Variants in GRM8 observed in about 807,000 individuals in gnomAD.
The protein encoded by GRM8 is metabotropic glutamate receptor 8.
GRM8 carries 47 observed loss-of-function variants against 87.2 expected under a neutral mutation model. That is an observed-to-expected ratio of 0.54 (90% CI 0.43 to 0.69). GRM8 has a LOEUF of 0.69. Among genes scored for constraint, GRM8 ranks in the 30% least tolerant of loss-of-function variants. The pLI, the probability that GRM8 is intolerant of heterozygous loss-of-function variation, is 0.00. For missense variants in GRM8, 1,019 were observed against 1,139.2 expected, an observed-to-expected ratio of 0.89 and a Z score of 1.52; for synonymous variants, 396 against 404.5, an observed-to-expected ratio of 0.98 and a Z score of 0.25.
chr7:126,454,861 C>T (rs1299968496), intron 9 of GRM8, among the ~76,000 whole-genome samples: 2 of 151,684 alleles, frequency 1.3e-5, no homozygotes, highest in Non-Finnish European at 2.9e-5. Flanking sequence ...TGATCTCAGA[C>T]TTCTAGTATC....
chr7:126,731,729 A>G (rs1369356710), intron 7 of GRM8, among the ~76,000 whole-genome samples: 1 of 152,102 alleles, frequency 6.6e-6, no homozygotes, highest in Non-Finnish European at 1.5e-5. Context: ...TTATCAATAC[A>G]TATATGTATT....
At chr7:127,104,329 T>C (rs906956027) in intron 3 of GRM8, among the ~76,000 whole-genome samples, 6 of 152,184 alleles carry the variant, frequency 3.9e-5, no homozygotes, top group African/African-American at 1.4e-4. Flanking sequence ...TAGTAAGAGC[T>C]GCAAATGTTA....
At chr7:127,244,948 G>A (rs933408066) in intron 1 of GRM8, among the ~76,000 whole-genome samples, 5 of 152,046 alleles carry the variant, frequency 3.3e-5, no homozygotes, top group Non-Finnish European at 5.9e-5. Context: ...CCCTGCCTCC[G>A]GGCACACATT....
At chr7:127,182,292 G>A (rs1021911145) in intron 2 of GRM8, among the ~76,000 whole-genome samples, 1 of 152,046 alleles carries the variant, frequency 6.6e-6, no homozygotes, top group African/African-American at 2.4e-5. Context: ...AAACCACAAT[G>A]TGATATCATC....
intron 9 of GRM8, among the ~76,000 whole-genome samples, chr7:126,521,753 ATTTAAC>A (rs1287497056): frequency 6.6e-6 from 1 of 152,208 alleles, no homozygotes; most frequent in Non-Finnish European, 1.5e-5. Flanking sequence ...TATAAAATCC[ATTTAAC>A]TTTCAAATTT....
chr7:126,612,676 G>A (rs1799038865), intron 7 of GRM8, among the ~76,000 whole-genome samples: 1 of 152,076 alleles, frequency 6.6e-6, no homozygotes, highest in Non-Finnish European at 1.5e-5. Context: ...ACAAAACTAT[G>A]GTCTTCTTAA....
At chr7:127,102,140 CA>C (rs1466166051) in intron 3 of GRM8, among the ~76,000 whole-genome samples, 1 of 152,138 alleles carries the variant, frequency 6.6e-6, no homozygotes, top group African/African-American at 2.4e-5. Context: ...GCAAAGCATT[CA>C]AAATGTGGCC....
intron 3 of GRM8, among the ~76,000 whole-genome samples, chr7:126,971,213 G>A (rs2131771765): frequency 6.7e-6 from 1 of 148,642 alleles, no homozygotes; most frequent in Non-Finnish European, 1.5e-5. Flanking sequence ...ATAAAGTGAG[G>A]TGAGCCTGTA....
At chr7:127,003,345 A>G (rs1163146689) in intron 3 of GRM8, among the ~76,000 whole-genome samples, 2 of 151,764 alleles carry the variant, frequency 1.3e-5, no homozygotes, top group Non-Finnish European at 3.0e-5. Context: ...CTCCTAGAGA[A>G]TGGTGACAAG....
intron 3 of GRM8, among the ~76,000 whole-genome samples, chr7:127,010,300 G>A (rs1421837217): frequency 1.3e-5 from 2 of 151,994 alleles, no homozygotes; most frequent in African/African-American, 4.8e-5. Flanking sequence ...CCTTCTGTTT[G>A]CAACAGAGAA....
intron 6 of GRM8, among the ~76,000 whole-genome samples, chr7:126,900,284 A>G (rs922944540): frequency 1.3e-5 from 2 of 152,118 alleles, no homozygotes; most frequent in Non-Finnish European, 2.9e-5. Context: ...TATTTATTTT[A>G]TATTTCCTCT....
intron 8 of GRM8, among the ~76,000 whole-genome samples, chr7:126,589,041 G>A (rs1471210448): frequency 6.6e-6 from 1 of 152,234 alleles, no homozygotes; most frequent in Non-Finnish European, 1.5e-5. Flanking sequence ...CAGTGGAACT[G>A]GGAAAAGACC....
intron 7 of GRM8, among the ~76,000 whole-genome samples, chr7:126,769,430 A>G (rs920330439): frequency 2.1e-4 from 32 of 152,102 alleles, no homozygotes; most frequent in African/African-American, 6.8e-4. Context: ...TTGAGTATAA[A>G]TATACAGCAA....
chr7:126,474,055 C>G (rs575442730), intron 9 of GRM8, among the ~76,000 whole-genome samples: 1 of 151,976 alleles, frequency 6.6e-6, no homozygotes, highest in African/African-American at 2.4e-5. Flanking sequence ...TTTTTATATT[C>G]GTTTTATATT....
At chr7:126,835,526 G>C (rs1795762415) in intron 6 of GRM8, among the ~76,000 whole-genome samples, 1 of 152,048 alleles carries the variant, frequency 6.6e-6, no homozygotes, top group South Asian at 2.1e-4. Flanking sequence ...AGAGCAGTTT[G>C]ATAAGCATTA....
intron 9 of GRM8, among the ~76,000 whole-genome samples, chr7:126,450,195 C>T (rs1170226201): frequency 6.6e-6 from 1 of 151,694 alleles, no homozygotes; most frequent in Admixed American, 6.6e-5. Context: ...TTTTATTTTT[C>T]CAGGATAAAG....
chr7:127,158,241 TA>T (rs1289619234), intron 2 of GRM8, among the ~76,000 whole-genome samples: 1 of 152,110 alleles, frequency 6.6e-6, no homozygotes, highest in Non-Finnish European at 1.5e-5. Flanking sequence ...AGGTCAGGCA[TA>T]AAAGCCTGTC....
intron 8 of GRM8, among the ~76,000 whole-genome samples, chr7:126,577,344 T>C (rs1006451807): frequency 6.6e-6 from 1 of 152,200 alleles, no homozygotes; most frequent in African/African-American, 2.4e-5. Context: ...AGTGTAATCA[T>C]TTAACACTAA....
chr7:126,490,622 A>C (rs750339800), intron 9 of GRM8, among the ~76,000 whole-genome samples: 6 of 151,990 alleles, frequency 3.9e-5, no homozygotes, highest in Non-Finnish European at 7.4e-5. Context: ...AGGTCTTAGG[A>C]GAGTGGAGGC....
Sources: allele counts gnomAD v4.1 joint callset (sites outside exome capture counted in the v4.1 genomes callset), GRCh38; gene constraint gnomAD v4.1.1; transcripts MANE v1.5; gene names NCBI Gene and HGNC (gene_info 2026-07-23, HGNC 2026-07-21).